Variants in ANP32B observed in about 807,000 individuals in gnomAD.
The protein encoded by ANP32B is acidic nuclear phosphoprotein 32 family member B.
Under a neutral mutation model 32.2 loss-of-function variants are expected in ANP32B, and 6 were observed. The observed-to-expected ratio is 0.19, with a 90% CI of 0.10 to 0.37. The LOEUF (loss-of-function observed/expected upper bound fraction) is 0.37. ANP32B is among the 10% of genes least tolerant of loss of function. ANP32B has a pLI of 1.00. For missense variants in ANP32B, 204 were observed against 289.2 expected (o/e 0.71, Z 2.14); for synonymous variants, 98 against 105.8 (o/e 0.93, Z 0.45).
intron 6 of ANP32B, among the ~76,000 whole-genome samples, chr9:98,014,782 C>T (rs942794380): frequency 2.3e-4 from 35 of 152,134 alleles, no homozygotes; most frequent in African/African-American, 7.7e-4. Flanking sequence ...GAGACAGTTT[C>T]GCTCTTATCA....
At chr9:97,988,931 T>C (rs1343622331) in intron 1 of ANP32B, among the ~76,000 whole-genome samples, 2 of 152,212 alleles carry the variant, frequency 1.3e-5, no homozygotes, top group East Asian at 1.9e-4. Flanking sequence ...GAAAGATCTT[T>C]AATTCCTCCA....
chr9:98,012,320 G>A, intron 5 of ANP32B, 101 bp from the exon 6 acceptor site: 1 of 1,324,716 alleles, frequency 7.5e-7, no homozygotes, highest in Non-Finnish European at 1.0e-6. Context: ...GATTGATATT[G>A]TTGCATTTAT....
At chr9:97,999,855 G>A (rs972109145) in intron 3 of ANP32B, among the ~76,000 whole-genome samples, 1 of 152,114 alleles carries the variant, frequency 6.6e-6, no homozygotes, top group African/African-American at 2.4e-5. Context: ...TTTGGAAGAG[G>A]GTTATTTAGC....
intron 2 of ANP32B, among the ~76,000 whole-genome samples, chr9:97,995,933 A>G (rs2131584552): frequency 6.8e-6 from 1 of 148,100 alleles, no homozygotes; most frequent in South Asian, 2.1e-4. Flanking sequence ...CTCGATTTAA[A>G]AAAAAAAAAA....
intron 3 of ANP32B, among the ~76,000 whole-genome samples, chr9:98,000,419 GT>G (rs1827970757): frequency 1.3e-5 from 2 of 152,106 alleles, no homozygotes; most frequent in African/African-American, 4.8e-5. Context: ...GCTCTTACTA[GT>G]TTTATTCGTT....
At chr9:98,012,962 C>T (rs1316191670) in intron 6 of ANP32B, among the ~76,000 whole-genome samples, 1 of 152,198 alleles carries the variant, frequency 6.6e-6, no homozygotes, top group Non-Finnish European at 1.5e-5. Flanking sequence ...AATCTCCTGA[C>T]CTCGTGGTCC....
chr9:97,984,002 A>G (rs1422098694), intron 1 of ANP32B, among the ~76,000 whole-genome samples: 1 of 148,800 alleles, frequency 6.7e-6, no homozygotes, highest in Non-Finnish European at 1.5e-5. Flanking sequence ...CCTGCCGAGG[A>G]GCTGCGCGGC....
chr9:97,994,264 A>G (rs577408269), intron 1 of ANP32B, among the ~76,000 whole-genome samples: 1 of 152,344 alleles, frequency 6.6e-6, no homozygotes, highest in South Asian at 2.1e-4. Flanking sequence ...CCCAGCCTAA[A>G]GAGTGTCTTC....
intron 1 of ANP32B, among the ~76,000 whole-genome samples, chr9:97,983,963 C>G (rs1827649158): frequency 6.6e-6 from 1 of 151,060 alleles, no homozygotes; most frequent in South Asian, 2.1e-4. Context: ...TTGCAGCCTC[C>G]CGGGATGCGC....
intron 6 of ANP32B, 103 bp from the exon 7 acceptor site, chr9:98,015,261 T>A (rs1019770711): frequency 5.4e-6 from 8 of 1,487,748 alleles, no homozygotes; most frequent in Non-Finnish European, 7.2e-6. Context: ...TACATTGTTT[T>A]ATCTCCTAAC....
At chr9:97,994,587 A>T in intron 1 of ANP32B, 44 bp from the exon 2 acceptor site, 1 of 1,565,704 alleles carries the variant, frequency 6.4e-7, no homozygotes, top group Non-Finnish European at 8.6e-7. Context: ...GTTTGTTTTC[A>T]ATGTGTTTTT....
chr9:97,998,358 A>G (rs1040110467), intron 2 of ANP32B, among the ~76,000 whole-genome samples, 198 bp from the exon 3 acceptor site: 9 of 152,228 alleles, frequency 5.9e-5, no homozygotes, highest in African/African-American at 2.2e-4. Flanking sequence ...TGATTAGGAA[A>G]ACACAATACT....
At position 98,015,480 on chromosome 9, in the gene ANP32B, G is replaced by C; in HGVS notation, c.*49G>C. 1.3e-6 allele frequency: 2 copies of C among 1,525,680 alleles called. No homozygotes were observed. The highest frequency in any genetic ancestry group is 1.8e-6 in the Non-Finnish European group (2 of 1,137,634). The allele number at this position is 1,525,680 out of a possible 1,614,324, so 94.5% of individuals were successfully genotyped here. A position where few individuals can be genotyped will look rare whatever the true frequency, so the allele number is the denominator to read the frequency against. ...AGAACTGTTCAGTATTGGTTGGACTGCTCATGGATTTTGTAGCTGTTTAAA... is the reference window on the plus strand; with the variant it reads ...AGAACTGTTCAGTATTGGTTGGACTCCTCATGGATTTTGTAGCTGTTTAAA... On this transcript the variant is annotated 3_prime_UTR_variant, in exon 7 of 7. Transcript: ENST00000339399.
At chr9:97,987,528 T>C (rs1827757354) in intron 1 of ANP32B, 1 of 152,220 alleles carries the variant, frequency 6.6e-6, no homozygotes, top group African/African-American at 2.4e-5. Flanking sequence ...ACCTGTTCTT[T>C]ATGTGAGATT....
chr9:97,984,967 G>C lies in ANP32B; in HGVS notation c.54+1358G>C, dbSNP rs1587869035. Among the ~76,000 whole-genome samples, 3 of 151,118 alleles carry C rather than the reference G, an allele frequency of 2.0e-5. No homozygotes were observed. In the East Asian group the frequency reaches 5.9e-4, roughly 30 times the overall value. ...CGCCTTGCGGGCTGTAGGGGCCTGA[G>C]GGCGGCCCTCTTGCGGCGCGGCTGC... On this transcript the variant is annotated intron_variant, in intron 1 of 6. Transcript: ENST00000339399.
intron 4 of ANP32B, among the ~76,000 whole-genome samples, chr9:98,009,617 G>A (rs1183070647): frequency 1.3e-5 from 2 of 152,382 alleles, no homozygotes; most frequent in South Asian, 2.1e-4. Flanking sequence ...GATGTGACAG[G>A]AGGCGGAGTT....
At chr9:98,009,182 CAT>C (rs1430437307) in intron 4 of ANP32B, among the ~76,000 whole-genome samples, 5 of 152,168 alleles carry the variant, frequency 3.3e-5, no homozygotes, top group African/African-American at 7.2e-5. Flanking sequence ...CTGATCATAA[CAT>C]AGAATTAAAA....
chr9:97,985,868 C>T (rs1428176403), intron 1 of ANP32B, among the ~76,000 whole-genome samples: 1 of 152,054 alleles, frequency 6.6e-6, no homozygotes, highest in African/African-American at 2.4e-5. Context: ...CTTGCCCAGG[C>T]TGGAGTGCAA....
At chr9:97,986,013 GT>G (rs1179382576) in intron 1 of ANP32B, among the ~76,000 whole-genome samples, 2 of 151,982 alleles carry the variant, frequency 1.3e-5, no homozygotes, top group Non-Finnish European at 2.9e-5. Flanking sequence ...TAGAGGCGGG[GT>G]TTCTCCCTGT....
Sources: allele counts gnomAD v4.1 joint callset (sites outside exome capture counted in the v4.1 genomes callset), GRCh38; gene constraint gnomAD v4.1.1; transcripts MANE v1.5; gene names NCBI Gene and HGNC (gene_info 2026-07-23, HGNC 2026-07-21).